The following FMN1 variants were observed in gnomAD, a reference collection of about 807,000 sequenced individuals.
FMN1 encodes formin 1.
In FMN1, 110 loss-of-function variants were observed where a neutral mutation model predicts 132.4. That is an observed-to-expected ratio of 0.83 (90% confidence interval 0.71 to 0.97). The LOEUF is 0.97. FMN1 is among the 50% of genes least tolerant of loss of function. FMN1 has a pLI of 0.00. For missense variants in FMN1, 1,792 were observed against 1,705.3 expected, an observed-to-expected ratio of 1.05 and a Z score of -0.90; for synonymous variants, 722 against 651.7, an observed-to-expected ratio of 1.11 and a Z score of -1.64.
chr15:32,937,962 G>C (rs1438245819), intron 9 of FMN1, among the ~76,000 whole-genome samples: 3 of 152,210 alleles, frequency 2.0e-5, no homozygotes, highest in African/African-American at 7.2e-5. Flanking sequence ...CCAAGACTTT[G>C]ATATACACTT....
chr15:33,046,822 G>A (rs1381400171), intron 6 of FMN1, among the ~76,000 whole-genome samples: 1 of 133,106 alleles, frequency 7.5e-6, no homozygotes, highest in Non-Finnish European at 1.6e-5. Flanking sequence ...TTTGATTAAT[G>A]GAAAAAATGA....
In FMN1 at chr15:32,993,901, C is replaced by T. The variant is rs939111309; in HGVS notation, c.2223+14113G>A. ...TCAACTTGTCCTCTGCAACAGCAGC[C>T]GGGGGCGGGGTGGGGGGGGTCTTTT... On this transcript the variant is annotated intron_variant, in intron 7 of 20. Coordinates refer to ENST00000616417, the MANE Select transcript of FMN1 (RefSeq NM_001277313.2). 1.8e-4 allele frequency among the ~76,000 whole-genome samples: 8 copies of T among 45,276 alleles called. 1 individual carries two copies. The highest frequency in any genetic ancestry group is 0.018 in the Middle Eastern group (1 of 56). The allele number at this position is 45,276 out of a possible 152,430, so 29.7% of individuals were successfully genotyped here.
At chr15:32,888,003 A>T (rs1034433560) in intron 16 of FMN1, among the ~76,000 whole-genome samples, 169 bp downstream of exon 16, 1 of 152,216 alleles carries the variant, frequency 6.6e-6, no homozygotes, top group Non-Finnish European at 1.5e-5. Context: ...TTGAAAATAC[A>T]GTGCCTCTAC....
At chr15:33,038,491 T>C (rs1253860939) in intron 6 of FMN1, among the ~76,000 whole-genome samples, 1 of 152,210 alleles carries the variant, frequency 6.6e-6, no homozygotes, top group Non-Finnish European at 1.5e-5. Context: ...CCTGTCATTA[T>C]TTCTGTGGGA....
chr15:32,938,277 C>T (rs2061325180), intron 9 of FMN1, among the ~76,000 whole-genome samples: 1 of 151,970 alleles, frequency 6.6e-6, no homozygotes, highest in African/African-American at 2.4e-5. Flanking sequence ...ACCTGTAATC[C>T]CAGCAACTTG....
At chr15:32,919,549 C>T (rs190609932) in intron 10 of FMN1, among the ~76,000 whole-genome samples, 20 of 152,270 alleles carry the variant, frequency 1.3e-4, no homozygotes, top group Non-Finnish European at 2.5e-4. Context: ...AAAAATATTA[C>T]TAATCTTATT....
At chr15:32,957,977 CCTAT>C (rs1479159424) in intron 9 of FMN1, among the ~76,000 whole-genome samples, 1 of 151,842 alleles carries the variant, frequency 6.6e-6, no homozygotes, top group Non-Finnish European at 1.5e-5. Context: ...GAGAATGGCA[CCTAT>C]CTAAGTATGC....
chr15:33,189,845 G>A (rs549520980), intron 2 of FMN1, among the ~76,000 whole-genome samples: 3 of 152,306 alleles, frequency 2.0e-5, no homozygotes, highest in East Asian at 1.9e-4. Flanking sequence ...GCTCACTTGA[G>A]TCTTGCCCTT....
chr15:32,984,017 C>T (rs1374844620), intron 7 of FMN1, among the ~76,000 whole-genome samples: 2 of 151,964 alleles, frequency 1.3e-5, no homozygotes, highest in Non-Finnish European at 1.5e-5. Flanking sequence ...CATTTAACAC[C>T]GTGATGTCTC....
intron 6 of FMN1, among the ~76,000 whole-genome samples, chr15:33,035,687 C>G (rs947729311): frequency 1.3e-5 from 2 of 152,150 alleles, no homozygotes; most frequent in African/African-American, 4.8e-5. Context: ...ATCTCAATCC[C>G]CTGCAGCCTC....
At chr15:33,023,123 C>G (rs528536124) in intron 6 of FMN1, among the ~76,000 whole-genome samples, 3 of 148,708 alleles carry the variant, frequency 2.0e-5, no homozygotes, top group East Asian at 3.9e-4. Context: ...TGTCACCAGC[C>G]GACTAAATCT....
chr15:32,799,485 G>A (rs928509697), intron 18 of FMN1, among the ~76,000 whole-genome samples: 2 of 152,134 alleles, frequency 1.3e-5, no homozygotes, highest in Non-Finnish European at 2.9e-5. Context: ...ATTTTCTCAA[G>A]GGTAAAATAA....
chr15:32,785,161 CGTGTGTGTGTGTGT>C (rs1178285469), intron 19 of FMN1, among the ~76,000 whole-genome samples: 1,993 of 51,458 alleles, frequency 0.039, 114 homozygotes, highest in African/African-American at 0.042. Context: ...TGTATACGTA[CGTGTGTGTGTGTGT>C]GTGTGTGTGT....
At chr15:32,959,180 G>A (rs1567464708) in intron 9 of FMN1, among the ~76,000 whole-genome samples, 1 of 151,772 alleles carries the variant, frequency 6.6e-6, no homozygotes. Flanking sequence ...ATTATAAAAA[G>A]ACCTATCTGG....
chr15:33,137,087 C>CAAAAAA (rs3082373), intron 4 of FMN1, among the ~76,000 whole-genome samples: 1 of 52,424 alleles, frequency 1.9e-5, no homozygotes, highest in Non-Finnish European at 3.3e-5. Context: ...GACCCCGTCT[C>CAAAAAA]AAAAAAAAAA....
chr15:32,997,828 A>G (rs964463619), intron 7 of FMN1, among the ~76,000 whole-genome samples: 4 of 152,230 alleles, frequency 2.6e-5, no homozygotes, highest in African/African-American at 9.6e-5. Flanking sequence ...CCCTTTCAGG[A>G]AAGGACAGAA....
At chr15:32,814,492 CTCATCAT>C (rs1479083058) in intron 17 of FMN1, among the ~76,000 whole-genome samples, 2 of 152,078 alleles carry the variant, frequency 1.3e-5, no homozygotes, top group Non-Finnish European at 2.9e-5. Flanking sequence ...ACTCTATAGC[CTCATCAT>C]TCAGACAGCA....
intron 19 of FMN1, among the ~76,000 whole-genome samples, chr15:32,787,048 C>T (rs549337313): frequency 1.4e-4 from 21 of 152,226 alleles, no homozygotes; most frequent in Non-Finnish European, 2.9e-4. Context: ...ATCTTGACAA[C>T]AGTCACTCAC....
At chr15:32,883,986 T>C (rs1436236601) in intron 16 of FMN1, among the ~76,000 whole-genome samples, 1 of 152,188 alleles carries the variant, frequency 6.6e-6, no homozygotes, top group Non-Finnish European at 1.5e-5. Context: ...TATTTTTAGG[T>C]GCTACTATTT....
Sources: gnomAD v4.1 joint callset for allele counts (sites outside exome capture counted in the v4.1 genomes callset) on GRCh38, gnomAD v4.1.1 for gene constraint, MANE v1.5 for transcripts, NCBI Gene and HGNC (gene_info 2026-07-23, HGNC 2026-07-21) for gene names.